Variants in FRMPD4 observed in about 807,000 individuals in gnomAD.
FRMPD4 encodes FERM and PDZ domain-containing protein 4.
A neutral mutation model predicts 94.1 loss-of-function variants in FRMPD4; 22 were observed. That is an observed-to-expected ratio of 0.23 (90% CI 0.17 to 0.33). FRMPD4 has a LOEUF of 0.33. Ranked by LOEUF, FRMPD4 falls within the 10% of genes least tolerant of loss-of-function variation. The probability of loss-of-function intolerance (pLI) is 1.00; values close to 1 mark genes in which losing one functional copy is unlikely to be tolerated. For missense variants in FRMPD4, 1,111 were observed against 1,339.9 expected (o/e 0.83, Z 2.67); for synonymous variants, 631 against 548.6 (o/e 1.15, Z -2.10).
At chrX:11,945,210 T>C (rs1266166841) in intron 3 of FRMPD4, among the ~76,000 whole-genome samples, 1 of 112,081 alleles carries the variant, frequency 8.9e-6, no homozygotes, top group Non-Finnish European at 1.9e-5. Context: ...AAATTGACAC[T>C]AGGGCATGAC....
chrX:12,258,862 A>G (rs1254836366), intron 1 of FRMPD4, among the ~76,000 whole-genome samples: 1 of 111,153 alleles, frequency 9.0e-6, no homozygotes, highest in Non-Finnish European at 1.9e-5. Flanking sequence ...TATACAATAA[A>G]TTATTAACTC....
At chrX:12,325,474 T>C (rs1400686549) in intron 1 of FRMPD4, among the ~76,000 whole-genome samples, 1 of 112,692 alleles carries the variant, frequency 8.9e-6, no homozygotes, top group Non-Finnish European at 1.9e-5. Flanking sequence ...TGCACTGAAA[T>C]GGGGCACTTG....
intron 2 of FRMPD4, among the ~76,000 whole-genome samples, chrX:12,608,701 T>A (rs967829172): frequency 1.5e-4 from 17 of 112,561 alleles, no homozygotes; most frequent in African/African-American, 5.5e-4. Flanking sequence ...CACAAAGAAA[T>A]CTCTTTTTCT....
Position 12,565,817 on chromosome X carries a change from TG to T in FRMPD4, c.159-43899del, listed in dbSNP as rs1369919485. Among the ~76,000 whole-genome samples the T allele has an allele frequency of 4.5e-5, 5 of 111,958 alleles. No homozygotes were observed. The South Asian group carries it at 1.1e-3, about 25-fold the overall frequency. On this transcript the variant is annotated intron_variant, in intron 2 of 16. Coordinates refer to ENST00000675598, the MANE Select transcript of FRMPD4 (RefSeq NM_001368397.1). ...CCATGCCAACATAAGACATTAACAA[TG>T]GGGGAAACGGGGTAAGGGGTGAACT... is the stretch of plus-strand genomic sequence containing the variant.
rs747224827 is a variant in FRMPD4, at chrX:12,614,707, TG to T, written c.320-71del. The T allele has an allele frequency of 5.4e-6, 3 of 552,221 alleles. No homozygotes were observed. The South Asian group carries it at 8.8e-5, about 16-fold the overall frequency. The allele number at this position is 552,221 out of a possible 1,213,427, so 45.5% of individuals were successfully genotyped here. On this transcript the variant is annotated intron_variant, in intron 3 of 16. Coordinates refer to ENST00000675598, the MANE Select transcript of FRMPD4 (RefSeq NM_001368397.1). ...AGCACCATTTGCTCACAGTGAATCA[TG>T]ATCAGGAGAGGAGGCTTGGGATAGG...
intron 3 of FRMPD4, among the ~76,000 whole-genome samples, chrX:12,039,407 T>C (rs1274598895): frequency 2.7e-5 from 3 of 109,928 alleles, no homozygotes. Flanking sequence ...TATCCTTTAC[T>C]ACTTTGGCTA....
At chrX:12,071,877 C>T (rs1257721184) in intron 3 of FRMPD4, among the ~76,000 whole-genome samples, 2 of 111,854 alleles carry the variant, frequency 1.8e-5, no homozygotes, top group African/African-American at 6.5e-5. Context: ...CAAGGAAATG[C>T]ACTTCCATGA....
intron 2 of FRMPD4, among the ~76,000 whole-genome samples, chrX:12,536,483 A>G (rs763165376): frequency 1.8e-5 from 2 of 112,351 alleles, no homozygotes; most frequent in African/African-American, 6.4e-5. Context: ...TGAAACTAAC[A>G]GAAGAAATGA....
At chrX:12,192,911 G>A (rs1321282351) in intron 1 of FRMPD4, among the ~76,000 whole-genome samples, 7 of 111,920 alleles carry the variant, frequency 6.3e-5, no homozygotes. Flanking sequence ...TTAGTGGAAG[G>A]TGTTATACAA....
chrX:12,254,591 GA>G (rs1247820288), intron 1 of FRMPD4, among the ~76,000 whole-genome samples: 1 of 111,969 alleles, frequency 8.9e-6, no homozygotes, highest in African/African-American at 3.2e-5. Flanking sequence ...TGCTTTCATT[GA>G]ATTTGTTCAC....
At chrX:11,955,714 C>A (rs1232857997) in intron 3 of FRMPD4, among the ~76,000 whole-genome samples, 1 of 103,844 alleles carries the variant, frequency 9.6e-6, no homozygotes, top group Non-Finnish European at 2.0e-5. Context: ...TGCACTCTAG[C>A]CTGGGCGACA....
chrX:12,438,001 G>A (rs1215026452), intron 1 of FRMPD4, among the ~76,000 whole-genome samples: 2 of 111,668 alleles, frequency 1.8e-5, no homozygotes, highest in Non-Finnish European at 3.8e-5. Context: ...CCTAAACCTA[G>A]AAAATAAGGC....
chrX:12,475,542 A>G (rs1218659672), intron 1 of FRMPD4, among the ~76,000 whole-genome samples: 1 of 112,199 alleles, frequency 8.9e-6, no homozygotes, highest in Middle Eastern at 4.6e-3. Flanking sequence ...TGCAGATGAC[A>G]TGATTGTATA....
In FRMPD4 at chrX:12,112,232, C is replaced by T. The variant is rs1249817291; in HGVS notation, c.95+234214C>T. 3.4e-4 allele frequency among the ~76,000 whole-genome samples: 38 copies of T among 111,924 alleles called. 1 individual carries two copies. Among genetic ancestry groups the T allele is most frequent in the Admixed American group, 2.9e-3 (31 of 10,534 alleles). On this transcript the variant is annotated intron_variant, in intron 3 of 18. Transcript: ENST00000640291. The stretch of plus-strand genomic sequence containing the variant: ...CACATATACACCATGGAATACTATG[C>T]AGCCATAAAAAATGATGAGTTCATG...
intron 6 of FRMPD4, among the ~76,000 whole-genome samples, chrX:12,685,885 A>G (rs1157300489): frequency 2.7e-5 from 3 of 112,178 alleles, no homozygotes; most frequent in East Asian, 5.6e-4. Context: ...CTTGAGTTAA[A>G]AAAACCTCAT....
chrX:12,007,712 A>G (rs770245970), intron 3 of FRMPD4, among the ~76,000 whole-genome samples: 4 of 112,537 alleles, frequency 3.6e-5, no homozygotes, highest in African/African-American at 1.3e-4. Flanking sequence ...AGAGCAAGAA[A>G]TGGCCTGAGA....
intron 1 of FRMPD4, among the ~76,000 whole-genome samples, chrX:12,457,798 T>C (rs2057349954): frequency 1.8e-5 from 2 of 112,044 alleles, no homozygotes; most frequent in African/African-American, 6.5e-5. Context: ...TACAAAATGC[T>C]TTACCATCAC....
At chrX:12,534,557 TGGAACTGCCTGAGACCATG>T (rs1280441414) in intron 2 of FRMPD4, among the ~76,000 whole-genome samples, 2 of 111,940 alleles carry the variant, frequency 1.8e-5, no homozygotes, top group African/African-American at 3.3e-5. Context: ...TCCACAGGGG[TGGAACTGCCTGAGACCATG>T]GGAACCTACC....
In FRMPD4 at chrX:11,847,591, A is replaced by C. The variant is rs1197506053; in HGVS notation, c.-160-17495A>C. ...TAAAGACACATGCACACGTATGTTT[A>C]TTGCGGCAGTATTCACAATAGCAAA... On this transcript the variant is annotated intron_variant, in intron 1 of 18. Coordinates refer to the FRMPD4 transcript ENST00000640291. 6.5e-3 allele frequency among the ~76,000 whole-genome samples: 701 copies of C among 108,131 alleles called. 3 individuals carry two copies. The highest frequency in any genetic ancestry group is 0.023 in the African/African-American group (677 of 28,921). 93.9% of individuals were successfully genotyped at this position (108,131 alleles called of 115,157 possible).
Sources: gnomAD v4.1 joint callset for allele counts (sites outside exome capture counted in the v4.1 genomes callset) on GRCh38, gnomAD v4.1.1 for gene constraint, MANE v1.5 for transcripts, NCBI Gene and HGNC (gene_info 2026-07-23, HGNC 2026-07-21) for gene names.